The following WBP1L variants were observed in gnomAD, a reference collection of about 807,000 sequenced individuals.
The protein encoded by WBP1L is WW domain binding protein 1-like.
In WBP1L, 17 loss-of-function variants were observed where a neutral mutation model predicts 33.7. The observed-to-expected ratio is 0.50, with a 90% CI of 0.34 to 0.76. WBP1L has a LOEUF of 0.76. Among genes scored for constraint, WBP1L ranks in the 30% least tolerant of loss-of-function variants. The pLI is 0.01. For missense variants in WBP1L, 389 were observed against 469.4 expected, an observed-to-expected ratio of 0.83 and a Z score of 1.58; for synonymous variants, 173 against 190.8, an observed-to-expected ratio of 0.91 and a Z score of 0.77.
At chr10:102,748,200 G>A (rs1842887042) in intron 1 of WBP1L, among the ~76,000 whole-genome samples, 1 of 151,838 alleles carries the variant, frequency 6.6e-6, no homozygotes, top group Non-Finnish European at 1.5e-5. Flanking sequence ...AGCTTGCAGT[G>A]AGCCGAGGTC....
intron 1 of WBP1L, among the ~76,000 whole-genome samples, chr10:102,770,135 C>T (rs1843168117): frequency 6.6e-6 from 1 of 152,232 alleles, no homozygotes; most frequent in South Asian, 2.1e-4. Flanking sequence ...AAAATTATTA[C>T]TTCAGGATTC....
Position 102,813,265 on chromosome 10 carries a change from C to T in WBP1L, c.1026C>T (p.Cys342=), listed in dbSNP as rs1843876491. Residue 342 remains cysteine, a synonymous_variant, in exon 4 of 4, where the codon TGC becomes TGT. Transcript: ENST00000448841. ...GHPHLPRPPA[C]LLLNTINEQD... ...CGCACCTGCCACGGCCGCCCGCATG[C>T]CTGCTGCTGAACACCATCAACGAGC... The T allele has an allele frequency of 1.9e-6, 3 of 1,613,124 alleles. No individual in the cohort carries two copies. Among genetic ancestry groups the T allele is most frequent in the Middle Eastern group, 1.6e-4 (1 of 6,062 alleles).
intron 3 of WBP1L, among the ~76,000 whole-genome samples, chr10:102,812,122 A>G (rs1843850432): frequency 6.6e-6 from 1 of 152,154 alleles, no homozygotes; most frequent in Non-Finnish European, 1.5e-5. Flanking sequence ...AAGACCCTAC[A>G]TAGTGCATTT....
intron 1 of WBP1L, among the ~76,000 whole-genome samples, chr10:102,758,997 A>C (rs1250795251): frequency 6.6e-6 from 1 of 152,190 alleles, no homozygotes; most frequent in Non-Finnish European, 1.5e-5. Flanking sequence ...GGAGTACGGG[A>C]GGAGCATGAA....
At chr10:102,781,021 C>G (rs577124247) in intron 1 of WBP1L, among the ~76,000 whole-genome samples, 10 of 152,322 alleles carry the variant, frequency 6.6e-5, no homozygotes, top group African/African-American at 2.4e-4. Flanking sequence ...CTCTTAGGGT[C>G]CCTTTTCCAG....
chr10:102,792,600 T>TC (rs1247753885), intron 1 of WBP1L, among the ~76,000 whole-genome samples: 11 of 148,318 alleles, frequency 7.4e-5, no homozygotes, highest in African/African-American at 2.2e-4. Flanking sequence ...TTCTTTTTTT[T>TC]TTTTTTTTTT....
chr10:102,800,464 C>T (rs1219120234), intron 2 of WBP1L, among the ~76,000 whole-genome samples: 1 of 152,122 alleles, frequency 6.6e-6, no homozygotes, highest in Non-Finnish European at 1.5e-5. Context: ...AAAGCAGGTG[C>T]CTCACCCCAA....
intron 1 of WBP1L, among the ~76,000 whole-genome samples, chr10:102,748,386 T>C (rs1842890252): frequency 6.6e-6 from 1 of 152,184 alleles, no homozygotes; most frequent in Non-Finnish European, 1.5e-5. Flanking sequence ...CTCACCTCCA[T>C]TCCCAGTTTT....
chr10:102,777,036 C>T (rs1482876129), intron 1 of WBP1L, among the ~76,000 whole-genome samples: 1 of 152,052 alleles, frequency 6.6e-6, no homozygotes, highest in Non-Finnish European at 1.5e-5. Flanking sequence ...CTCGGTGAGC[C>T]GCCCTTTGAA....
chr10:102,759,753 C>A (rs530348317), intron 1 of WBP1L, among the ~76,000 whole-genome samples: 7 of 152,300 alleles, frequency 4.6e-5, no homozygotes, highest in Non-Finnish European at 7.4e-5. Context: ...CAGCCTCCAA[C>A]TCCCAGGCTC....
chr10:102,757,504 C>T (rs1044140084), intron 1 of WBP1L, among the ~76,000 whole-genome samples: 1 of 149,964 alleles, frequency 6.7e-6, no homozygotes, highest in Non-Finnish European at 1.5e-5. Flanking sequence ...TGAGGGGGAT[C>T]CTTAACTTCT....
At chr10:102,792,483 T>C (rs1199736752) in intron 1 of WBP1L, among the ~76,000 whole-genome samples, 1 of 152,144 alleles carries the variant, frequency 6.6e-6, no homozygotes, top group Non-Finnish European at 1.5e-5. Context: ...AACTTTCCTA[T>C]CTACTACTTC....
Position 102,798,048 on chromosome 10 carries a change from A to T in WBP1L, c.146A>T (p.His49Leu). 6.2e-7 allele frequency: 1 copy of T among 1,614,216 alleles called. No homozygotes were observed. Among genetic ancestry groups the T allele is most frequent in the Non-Finnish European group, 8.5e-7 (1 of 1,180,030 alleles). ...CAAAGCTACATCTGTGACACAGGAC[A>T]CTGCTGTGGACAGTCTCAGTGCTGC... ...NNQSYICDTGHCCGQSQCCNY... is the reference protein window; with the variant it reads ...NNQSYICDTGLCCGQSQCCNY... The change falls in exon 2 of 4, where the codon CAC becomes CTC. Residue 49 changes from histidine (H) to leucine (L), a missense_variant. Physicochemically the swap from His to Leu is moderately conservative, Grantham distance 99. Coordinates refer to ENST00000448841, the MANE Select transcript of WBP1L (RefSeq NM_001083913.2).
At chr10:102,809,139 G>A (rs771189033) in intron 2 of WBP1L, among the ~76,000 whole-genome samples, 1 of 152,180 alleles carries the variant, frequency 6.6e-6, no homozygotes, top group African/African-American at 2.4e-5. Flanking sequence ...GTGCAATGGT[G>A]CAATCTCGGC....
chr10:102,805,412 A>G (rs1191478065), intron 2 of WBP1L, among the ~76,000 whole-genome samples: 4 of 152,146 alleles, frequency 2.6e-5, no homozygotes, highest in Non-Finnish European at 5.9e-5. Flanking sequence ...GTGGCCAGGT[A>G]AAAAACTAGT....
intron 1 of WBP1L, among the ~76,000 whole-genome samples, chr10:102,748,120 G>C (rs920497405): frequency 6.6e-6 from 1 of 152,042 alleles, no homozygotes; most frequent in Admixed American, 6.6e-5. Context: ...GCTGGGCATG[G>C]TGGTGGGCAC....
intron 2 of WBP1L, 71 bp downstream of exon 2, chr10:102,798,166 T>C (rs1158607060): frequency 7.4e-7 from 1 of 1,355,628 alleles, no homozygotes; most frequent in Non-Finnish European, 1.1e-6. Context: ...TGGGAAACTC[T>C]GGGCATTAGC....
intron 1 of WBP1L, among the ~76,000 whole-genome samples, chr10:102,785,090 T>A (rs1800108389): frequency 6.6e-6 from 1 of 151,210 alleles, no homozygotes; most frequent in South Asian, 2.1e-4. Flanking sequence ...GCCGGGCAGA[T>A]CTTGAACTCC....
rs35713577 is a variant in WBP1L at position 102,777,561 on chromosome 10, C to CTTTTT, written c.91-20410_91-20406dup. 2.0e-4 allele frequency among the ~76,000 whole-genome samples: 11 copies of CTTTTT among 55,594 alleles called. 2 individuals are homozygous for CTTTTT. The highest frequency in any genetic ancestry group is 6.6e-4 in the African/African-American group (9 of 13,736). 36.5% of individuals were successfully genotyped at this position (55,594 alleles called of 152,430 possible). On this transcript the variant is annotated intron_variant, in intron 1 of 3. Transcript: ENST00000448841. ...TTCTGCCCCCACAAGAAAGGCTGTC[C>CTTTTT]TTTTTTTTTTTTTTTTTTTTTTTTT...
Sources: allele counts gnomAD v4.1 joint callset (sites outside exome capture counted in the v4.1 genomes callset), GRCh38; gene constraint gnomAD v4.1.1; transcripts MANE v1.5; gene names NCBI Gene and HGNC (gene_info 2026-07-23, HGNC 2026-07-21).